MOSMO: variants seen among roughly 807,000 people sequenced by gnomAD.
MOSMO encodes modulator of smoothened, also known as modulator of smoothened protein.
A neutral mutation model predicts 18.4 loss-of-function variants in MOSMO; 5 were observed. The observed-to-expected ratio is 0.27, with a 90% CI of 0.14 to 0.57. MOSMO has a LOEUF of 0.57. Ranked by LOEUF, MOSMO falls within the 20% of genes least tolerant of loss-of-function variation. MOSMO has a pLI of 0.92. For synonymous variants in MOSMO, 82 were observed against 82.3 expected, an observed-to-expected ratio of 1.00 and a Z score of 0.02; for missense variants, 138 against 211.8, an observed-to-expected ratio of 0.65 and a Z score of 2.16.
intron 1 of MOSMO, among the ~76,000 whole-genome samples, chr16:22,063,519 T>C (rs1298003375): frequency 2.6e-5 from 4 of 152,210 alleles, no homozygotes; most frequent in African/African-American, 4.8e-5. Context: ...GAGTAGACTA[T>C]AAATAGCCAA....
At chr16:22,074,812 G>A (rs1900931802) in intron 1 of MOSMO, among the ~76,000 whole-genome samples, 1 of 152,156 alleles carries the variant, frequency 6.6e-6, no homozygotes, top group Non-Finnish European at 1.5e-5. Context: ...GCCATGGTTT[G>A]GCAGTGTGAA....
intron 1 of MOSMO, among the ~76,000 whole-genome samples, chr16:22,019,340 C>T (rs1899706009): frequency 6.6e-6 from 1 of 152,186 alleles, no homozygotes; most frequent in African/African-American, 2.4e-5. Flanking sequence ...TTGGTCCTCT[C>T]ACTCTCTCCA....
chr16:22,092,627 T>C, the MOSMO span: 1 of 1,550,116 alleles, frequency 6.5e-7, no homozygotes, highest in Admixed American at 2.0e-5. Context: ...CTCCCAAAGA[T>C]GGAGAAATAA....
chr16:22,040,335 T>C (rs988554491), intron 1 of MOSMO, among the ~76,000 whole-genome samples: 1 of 152,178 alleles, frequency 6.6e-6, no homozygotes, highest in African/African-American at 2.4e-5. Flanking sequence ...ACCTGGATGA[T>C]GAAATGATCT....
chr16:22,013,741 G>A (rs1451749703), intron 1 of MOSMO, among the ~76,000 whole-genome samples: 2 of 151,868 alleles, frequency 1.3e-5, no homozygotes, highest in Non-Finnish European at 2.9e-5. Context: ...TCTCCCTTAT[G>A]TCTCGTCAAA....
chr16:22,011,732 T>A (rs1401210715), intron 1 of MOSMO, among the ~76,000 whole-genome samples: 3 of 152,044 alleles, frequency 2.0e-5, no homozygotes, highest in Non-Finnish European at 4.4e-5. Flanking sequence ...ATATTATGGC[T>A]AGAAAGAGGA....
Position 22,075,633 on chromosome 16 carries a change from T to C in MOSMO, c.253T>C (p.Leu85=), listed in dbSNP as rs1247931818. The part of the protein sequence containing the change: ...GIISLTVTCG[L]LVASHWRREA... The stretch of plus-strand genomic sequence containing the variant: ...CATTTCATTGACTGTCACATGTGGT[T>C]TGCTGGTGGCTTCCCACTGGCGAAG... Residue 85 remains leucine (L), a synonymous_variant, in exon 2 of 3, where the codon TTG becomes CTG. Transcript: ENST00000542527. 6.5e-7 allele frequency: 1 copy of C among 1,537,300 alleles called. No individual in the cohort carries two copies. Among genetic ancestry groups the C allele is most frequent in the East Asian group, 2.4e-5 (1 of 40,936 alleles).
intron 1 of MOSMO, among the ~76,000 whole-genome samples, chr16:22,020,999 A>G (rs777683081): frequency 2.6e-5 from 4 of 151,576 alleles, no homozygotes; most frequent in Admixed American, 6.6e-5. Context: ...AACTCAGTAG[A>G]GCTGAGGAAG....
chr16:22,033,659 AAAT>A (rs1417418343), intron 1 of MOSMO, among the ~76,000 whole-genome samples: 1 of 151,906 alleles, frequency 6.6e-6, no homozygotes, highest in Non-Finnish European at 1.5e-5. Flanking sequence ...ACTAAAAAAA[AAAT>A]ACAAAAAATC....
rs529938169 is a variant in MOSMO at position 22,010,952 on chromosome 16, C to T, written c.106+2545C>T. Among the ~76,000 whole-genome samples, 4 of 149,236 alleles carry T rather than the reference C, an allele frequency of 2.7e-5. No individual in the cohort carries two copies. The South Asian group carries it at 8.4e-4, about 31-fold the overall frequency. ...AAAACAGAAAAAAAAAAAAAAAGGG[C>T]AAGCTCCTCTTGTATTCAGAAGAAA... On this transcript the variant is annotated intron_variant, in intron 1 of 2. Transcript: ENST00000542527.
rs1309298030 is a variant in MOSMO, at chr16:22,083,656, G to T, written c.*2776G>T. 2.2e-6 allele frequency: 1 copy of T among 453,078 alleles called. No individual in the cohort carries two copies. Among genetic ancestry groups the T allele is most frequent in the East Asian group, 7.0e-5 (1 of 14,366 alleles). The allele number at this position is 453,078 out of a possible 1,614,324, so 28.1% of individuals were successfully genotyped here. On this transcript the variant is annotated 3_prime_UTR_variant, in exon 3 of 3. Coordinates refer to ENST00000542527, the MANE Select transcript of MOSMO (RefSeq NM_001164579.2). ...TGGTGCAATCATTTGTCAAACTTTT[G>T]TCTGTTTCATTGTTTTTAGAGTGTG...
At chr16:22,066,681 TA>T in intron 1 of MOSMO, among the ~76,000 whole-genome samples, 1 of 152,254 alleles carries the variant, frequency 6.6e-6, no homozygotes, top group East Asian at 1.9e-4. Flanking sequence ...TAAACTAATC[TA>T]ATAGATGAGG....
At position 22,017,531 on chromosome 16, in the gene MOSMO, T is replaced by C. The variant is rs571735353; in HGVS notation, c.106+9124T>C. On this transcript the variant is annotated intron_variant, in intron 1 of 2. Coordinates refer to ENST00000542527, the MANE Select transcript of MOSMO (RefSeq NM_001164579.2). ...TTTATAATTAGAAAACCTGATCCGA[T>C]TGATAACAACAGATTGAAAGTAGCA... 2.6e-5 allele frequency among the ~76,000 whole-genome samples: 4 copies of C among 152,268 alleles called. No homozygotes were observed. The South Asian group carries it at 6.2e-4, about 24-fold the overall frequency.
intron 1 of MOSMO, among the ~76,000 whole-genome samples, chr16:22,037,644 C>T (rs955759730): frequency 2.0e-5 from 3 of 152,190 alleles, no homozygotes; most frequent in East Asian, 3.8e-4. Context: ...ATCAACTTTC[C>T]CATCACCTCC....
chr16:22,023,814 C>G (rs79586543), intron 1 of MOSMO, among the ~76,000 whole-genome samples: 1 of 151,572 alleles, frequency 6.6e-6, no homozygotes, highest in Non-Finnish European at 1.5e-5. Context: ...TTAGAAAATC[C>G]GTCAACTTAT....
chr16:22,086,637 G>A (rs1901185772), downstream of MOSMO, among the ~76,000 whole-genome samples: 1 of 152,150 alleles, frequency 6.6e-6, no homozygotes, highest in South Asian at 2.1e-4. Context: ...TCTGTAGAAT[G>A]GGACTAATAA....
intron 1 of MOSMO, among the ~76,000 whole-genome samples, chr16:22,023,108 G>T (rs960419433): frequency 3.4e-4 from 51 of 152,046 alleles, no homozygotes; most frequent in African/African-American, 1.2e-3. Context: ...AATACTTTGG[G>T]TTTAAAAATT....
rs1292747123 is a variant in MOSMO at position 22,081,793 on chromosome 16, C to T, written c.*913C>T. Reference sequence around the variant, plus strand: ...AAGGCTGCATAGTGGAGAGAGTCTTCAGTTTACCTCATTCTTTGTAGCAGC... The same window carrying T: ...AAGGCTGCATAGTGGAGAGAGTCTTTAGTTTACCTCATTCTTTGTAGCAGC... On this transcript the variant is annotated 3_prime_UTR_variant, in exon 3 of 3. Transcript: ENST00000542527. 2.6e-5 allele frequency: 4 copies of T among 152,092 alleles called. No individual in the cohort carries two copies. The South Asian group carries it at 6.2e-4, about 24-fold the overall frequency. 9.4% of individuals were successfully genotyped at this position (152,092 alleles called of 1,614,324 possible).
At chr16:22,038,630 A>C (rs1196367860) in intron 1 of MOSMO, among the ~76,000 whole-genome samples, 1 of 152,174 alleles carries the variant, frequency 6.6e-6, no homozygotes. Flanking sequence ...GTCACTTGCT[A>C]GGAGTGAAAT....
Sources: allele counts gnomAD v4.1 joint callset (sites outside exome capture counted in the v4.1 genomes callset), GRCh38; gene constraint gnomAD v4.1.1; transcripts MANE v1.5; gene names NCBI Gene and HGNC (gene_info 2026-07-23, HGNC 2026-07-21).